Variants in PAK3 observed in about 807,000 individuals in gnomAD.
PAK3 encodes serine/threonine-protein kinase PAK 3.
PAK3 carries 4 observed loss-of-function variants against 41.0 expected under a neutral mutation model. That is an observed-to-expected ratio of 0.10 (90% CI 0.05 to 0.22). PAK3 has a LOEUF of 0.22. Ranked by LOEUF, PAK3 falls within the 10% of genes least tolerant of loss-of-function variation. PAK3 has a pLI of 1.00. For missense variants in PAK3, 205 were observed against 409.9 expected (o/e 0.50, Z 4.32); for synonymous variants, 146 against 139.6 (o/e 1.05, Z -0.32).
At chrX:110,983,015 A>G (rs1212414939) in intron 1 of PAK3, among the ~76,000 whole-genome samples, 2 of 110,767 alleles carry the variant, frequency 1.8e-5, no homozygotes, top group African/African-American at 6.6e-5. Flanking sequence ...TTCCAAGTCA[A>G]TGTGCCTGGA....
intron 16 of PAK3, among the ~76,000 whole-genome samples, chrX:111,211,463 G>A (rs1268090841): frequency 1.8e-5 from 2 of 110,168 alleles, no homozygotes; most frequent in Non-Finnish European, 3.8e-5. Flanking sequence ...GGATCATGAG[G>A]TCAGGAGATC....
chrX:111,136,457 A>C (rs1245533324), intron 5 of PAK3, among the ~76,000 whole-genome samples: 1 of 111,695 alleles, frequency 9.0e-6, no homozygotes, highest in Non-Finnish European at 1.9e-5. Context: ...CCAGGACAGA[A>C]GCATAAGAGC....
At chrX:111,192,471 T>C (rs1181545576) in intron 12 of PAK3, 35 bp from the exon 13 acceptor site, 4 of 723,204 alleles carry the variant, frequency 5.5e-6, no homozygotes, top group Non-Finnish European at 8.9e-6. Flanking sequence ...ATTATAATGA[T>C]TGTAATTCAT....
At chrX:111,042,177 C>T (rs981918358) in intron 1 of PAK3, among the ~76,000 whole-genome samples, 1 of 111,620 alleles carries the variant, frequency 9.0e-6, no homozygotes, top group Non-Finnish European at 1.9e-5. Flanking sequence ...GTGGTACCCT[C>T]GAATAGTTCT....
At position 111,034,263 on chromosome X, in the gene PAK3, G is replaced by GA. The variant is rs974185755; in HGVS notation, c.-27-88805dup. Among the ~76,000 whole-genome samples the GA allele has an allele frequency of 2.6e-3, 280 of 106,005 alleles. 2 individuals are homozygous for GA. The highest frequency in any genetic ancestry group is 8.6e-3 in the African/African-American group (250 of 29,107). The allele number at this position is 106,005 out of a possible 115,157, so 92.1% of individuals were successfully genotyped here. ...GGTTGGGGGTCGGGGAAAGAGAGAG[G>GA]AAAAAAAAACAGTGAGAGATAGAGA... On this transcript the variant is annotated intron_variant, in intron 1 of 14. Coordinates refer to the PAK3 transcript ENST00000425146.
At chrX:111,165,112 A>G (rs1438002285) in intron 10 of PAK3, among the ~76,000 whole-genome samples, 1 of 111,852 alleles carries the variant, frequency 8.9e-6, no homozygotes, top group African/African-American at 3.2e-5. Context: ...ACTTTACAGT[A>G]AAGTATTATT....
At chrX:111,007,324 G>A (rs975113808) in intron 1 of PAK3, among the ~76,000 whole-genome samples, 2 of 111,423 alleles carry the variant, frequency 1.8e-5, no homozygotes, top group South Asian at 3.8e-4. Flanking sequence ...GCACCTAGCA[G>A]AATAAGCATA....
intron 11 of PAK3, among the ~76,000 whole-genome samples, chrX:111,187,608 T>G (rs908822819): frequency 1.8e-5 from 2 of 111,163 alleles, no homozygotes; most frequent in Non-Finnish European, 3.8e-5. Flanking sequence ...TTGAAGGAAG[T>G]TGAGATCTCT....
intron 16 of PAK3, among the ~76,000 whole-genome samples, chrX:111,204,878 G>GTTTTTTT (rs1163687252): frequency 1.1e-4 from 4 of 37,671 alleles, no homozygotes; most frequent in Non-Finnish European, 1.5e-4. Context: ...CCTTTGCTTT[G>GTTTTTTT]TTTTTTTTTT....
intron 1 of PAK3, among the ~76,000 whole-genome samples, chrX:111,087,701 A>G (rs751776685): frequency 9.3e-6 from 1 of 107,167 alleles, no homozygotes; most frequent in South Asian, 4.3e-4. Flanking sequence ...TGGAAGAAAA[A>G]GGGGATGTTC....
At chrX:111,037,078 G>A (rs186284462) in intron 1 of PAK3, among the ~76,000 whole-genome samples, 1 of 110,884 alleles carries the variant, frequency 9.0e-6, no homozygotes, top group East Asian at 2.9e-4. Context: ...CCGAGCAGTC[G>A]GGATTACAGG....
At position 111,220,579 on chromosome X, in the gene PAK3, T is replaced by A; in HGVS notation, c.*132T>A. ...TACCTTTCAAATGAATAGAAACTTC[T>A]TATAAGCCTTTTTCCTACTCCCTCA... On this transcript the variant is annotated 3_prime_UTR_variant, in exon 18 of 18. Coordinates refer to ENST00000372007, the MANE Select transcript of PAK3 (RefSeq NM_002578.5). 1 of 512,780 alleles carries A rather than the reference T, an allele frequency of 2.0e-6. No homozygotes were observed. The highest frequency in any genetic ancestry group is 3.5e-6 in the Non-Finnish European group (1 of 284,724). 42.3% of individuals were successfully genotyped at this position (512,780 alleles called of 1,213,427 possible). A position where few individuals can be genotyped will look rare whatever the true frequency, so the allele number is the denominator to read the frequency against.
At chrX:110,967,323 G>T (rs1290882152) in intron 1 of PAK3, among the ~76,000 whole-genome samples, 4 of 112,650 alleles carry the variant, frequency 3.6e-5, no homozygotes, top group African/African-American at 1.3e-4. Flanking sequence ...GCTGGAGGGG[G>T]TTAGTGCTGA....
At chrX:111,128,432 G>C (rs907376057) in intron 5 of PAK3, among the ~76,000 whole-genome samples, 1 of 112,024 alleles carries the variant, frequency 8.9e-6, no homozygotes, top group Non-Finnish European at 1.9e-5. Context: ...CAAGCTATGT[G>C]CCAGGCACTT....
At chrX:111,207,187 C>T (rs1203989647) in intron 16 of PAK3, among the ~76,000 whole-genome samples, 5 of 103,582 alleles carry the variant, frequency 4.8e-5, no homozygotes, top group African/African-American at 1.4e-4. Flanking sequence ...TATATATATA[C>T]GTATATGTGT....
chrX:111,023,219 A>G (rs1186849834), intron 1 of PAK3, among the ~76,000 whole-genome samples: 1 of 111,467 alleles, frequency 9.0e-6, no homozygotes, highest in Non-Finnish European at 1.9e-5. Flanking sequence ...AAGGACATGA[A>G]CTCATCCTTT....
intron 1 of PAK3, among the ~76,000 whole-genome samples, chrX:111,066,731 A>G (rs1172073178): frequency 8.9e-6 from 1 of 112,155 alleles, no homozygotes; most frequent in Non-Finnish European, 1.9e-5. Flanking sequence ...AAACAAAACA[A>G]TAACAATAGT....
chrX:111,091,028 CAATGTGGTTTG>C (rs942106785), intron 1 of PAK3, among the ~76,000 whole-genome samples: 58 of 111,916 alleles, frequency 5.2e-4, no homozygotes, highest in Middle Eastern at 4.6e-3. Flanking sequence ...CTCAATTAAA[CAATGTGGTTTG>C]ATATGTAGGA....
chrX:111,217,561 T>C, intron 17 of PAK3: 2 of 964,883 alleles, frequency 2.1e-6, no homozygotes, highest in South Asian at 2.0e-5. Context: ...GAGACAGAGC[T>C]GCACCCAGGC....
Sources: allele counts gnomAD v4.1 joint callset (sites outside exome capture counted in the v4.1 genomes callset), GRCh38; gene constraint gnomAD v4.1.1; transcripts MANE v1.5; gene names NCBI Gene and HGNC (gene_info 2026-07-23, HGNC 2026-07-21).